The following RHOA variants were observed in gnomAD, a reference collection of about 807,000 sequenced individuals.
The protein encoded by RHOA is transforming protein RhoA.
In RHOA, 3 loss-of-function variants were observed where a neutral mutation model predicts 17.5. That is an observed-to-expected ratio of 0.17 (90% confidence interval 0.08 to 0.44). The LOEUF is 0.44. Among genes scored for constraint, RHOA ranks in the 20% least tolerant of loss-of-function variants. The pLI, the probability that RHOA is intolerant of heterozygous loss-of-function variation, is 0.99. For missense variants in RHOA, 56 were observed against 242.3 expected (o/e 0.23, Z 5.10); for synonymous variants, 98 against 88.4 (o/e 1.11, Z -0.61).
intron 1 of RHOA, among the ~76,000 whole-genome samples, chr3:49,393,787 G>T (rs1478988988): frequency 6.6e-6 from 1 of 150,744 alleles, no homozygotes; most frequent in South Asian, 2.1e-4. Flanking sequence ...TCGGCTCACT[G>T]CAACCTCCGC....
intron 1 of RHOA, 129 bp downstream of exon 1, chr3:49,411,684 TCAGGGGC>T (rs963366212): frequency 4.0e-5 from 6 of 151,600 alleles, no homozygotes; most frequent in Non-Finnish European, 8.8e-5. Flanking sequence ...AGGTCAAGGG[TCAGGGGC>T]CAGGGGCGGC....
intron 1 of RHOA, among the ~76,000 whole-genome samples, chr3:49,403,446 G>A (rs1426758043): frequency 6.6e-6 from 1 of 152,158 alleles, no homozygotes. Context: ...GGTTTGTGGT[G>A]GCTCATGCCT....
intron 1 of RHOA, among the ~76,000 whole-genome samples, chr3:49,410,850 A>C (rs1394542336): frequency 1.3e-5 from 2 of 152,380 alleles, no homozygotes; most frequent in African/African-American, 4.8e-5. Flanking sequence ...GAACCAAACA[A>C]GTCAACAACA....
intron 1 of RHOA, 52 bp downstream of exon 1, chr3:49,411,768 G>A (rs1042154613): frequency 6.6e-6 from 1 of 151,944 alleles, no homozygotes; most frequent in Admixed American, 6.6e-5. Context: ...GAAGAGTACC[G>A]GGCTGGCGGG....
intron 1 of RHOA, among the ~76,000 whole-genome samples, chr3:49,405,434 AAAAT>A (rs2048816799): frequency 6.6e-6 from 1 of 152,258 alleles, no homozygotes; most frequent in African/African-American, 2.4e-5. Context: ...TCCATCTCAA[AAAAT>A]AAATAAATAA....
chr3:49,397,776 T>C (rs2048642839), intron 1 of RHOA, among the ~76,000 whole-genome samples: 1 of 151,914 alleles, frequency 6.6e-6, no homozygotes, highest in South Asian at 2.1e-4. Flanking sequence ...TGACCTTAGA[T>C]AGAACAATGG....
At chr3:49,368,650 AAATGGCAGACGG>A in intron 2 of RHOA, 102 bp from the exon 3 acceptor site, 2 of 1,228,518 alleles carry the variant, frequency 1.6e-6, no homozygotes, top group South Asian at 1.3e-5. Context: ...CAGACCATTG[AAATGGCAGACGG>A]TCTAAAACAG....
intron 1 of RHOA, among the ~76,000 whole-genome samples, chr3:49,381,582 AAAG>A (rs1421044330): frequency 4.0e-5 from 6 of 151,210 alleles, no homozygotes; most frequent in Non-Finnish European, 7.4e-5. Context: ...CAAAAAAAAA[AAAG>A]GATTGGCATG....
intron 2 of RHOA, among the ~76,000 whole-genome samples, chr3:49,373,625 A>G (rs2048179552): frequency 6.6e-6 from 1 of 152,156 alleles, no homozygotes. Context: ...CAGCTGGACC[A>G]ACACAAGACC....
intron 1 of RHOA, among the ~76,000 whole-genome samples, chr3:49,397,129 C>CAAAAAAAAAAAAAAAAAAAAACAAAAAA (rs141767876): frequency 1.2e-5 from 1 of 86,244 alleles, no homozygotes; most frequent in African/African-American, 4.5e-5. Context: ...AATCCTGTCT[C>CAAAAAAAAAAAAAAAAAAAAACAAAAAA]AAAAAAAAAA....
chr3:49,403,696 G>A (rs919204839), intron 1 of RHOA, among the ~76,000 whole-genome samples: 11 of 152,132 alleles, frequency 7.2e-5, no homozygotes, highest in African/African-American at 2.7e-4. Context: ...CTGCACTTCA[G>A]CTGGGTGACA....
intron 1 of RHOA, among the ~76,000 whole-genome samples, chr3:49,398,486 G>C (rs2048656961): frequency 6.6e-6 from 1 of 152,016 alleles, no homozygotes; most frequent in Non-Finnish European, 1.5e-5. Context: ...CAGTGAAAGG[G>C]TAGGCAGTAG....
chr3:49,380,949 T>TAC (rs386396601), intron 1 of RHOA, among the ~76,000 whole-genome samples: 3 of 151,322 alleles, frequency 2.0e-5, no homozygotes, highest in Non-Finnish European at 4.4e-5. Context: ...TGTATATATA[T>TAC]AGATACAGAT....
intron 1 of RHOA, among the ~76,000 whole-genome samples, chr3:49,390,310 G>C (rs1453592955): frequency 1.3e-5 from 2 of 151,060 alleles, no homozygotes; most frequent in African/African-American, 2.4e-5. Flanking sequence ...AATTTTTGTA[G>C]TTTTAGTAGA....
At chr3:49,409,515 G>C (rs1169336746) in intron 1 of RHOA, among the ~76,000 whole-genome samples, 1 of 152,148 alleles carries the variant, frequency 6.6e-6, no homozygotes, top group African/African-American at 2.4e-5. Flanking sequence ...GCTGTCTACA[G>C]AAGGCCAGCA....
intron 1 of RHOA, among the ~76,000 whole-genome samples, chr3:49,408,234 ATACACGTATATGTACACATATATATACG>A (rs2048870330): frequency 6.6e-6 from 1 of 151,996 alleles, no homozygotes; most frequent in Non-Finnish European, 1.5e-5. Context: ...ATATATACGT[ATACACGTATATGTACACATATATATACG>A]TATACACGTA....
intron 1 of RHOA, among the ~76,000 whole-genome samples, chr3:49,406,518 A>G (rs1157534931): frequency 1.3e-5 from 2 of 152,192 alleles, no homozygotes; most frequent in Admixed American, 6.6e-5. Context: ...TCACGCCCGT[A>G]ATCCCAGCAG....
At chr3:49,373,586 G>C (rs934998376) in intron 2 of RHOA, among the ~76,000 whole-genome samples, 1 of 152,180 alleles carries the variant, frequency 6.6e-6, no homozygotes, top group Non-Finnish European at 1.5e-5. Flanking sequence ...GGGCTGAGAT[G>C]GAAGAACTTG....
chr3:49,365,515 C>T (rs568371340), intron 3 of RHOA, among the ~76,000 whole-genome samples: 2 of 152,022 alleles, frequency 1.3e-5, no homozygotes, highest in South Asian at 4.2e-4. Context: ...TAGTCTACCC[C>T]CTTCCTGGAG....
Sources: gnomAD v4.1 joint callset for allele counts (sites outside exome capture counted in the v4.1 genomes callset) on GRCh38, gnomAD v4.1.1 for gene constraint, MANE v1.5 for transcripts, NCBI Gene and HGNC (gene_info 2026-07-23, HGNC 2026-07-21) for gene names.